Variants in CACNA2D2 observed in about 807,000 individuals in gnomAD.
CACNA2D2 encodes the protein voltage-dependent calcium channel subunit alpha-2/delta-2.
Under a neutral mutation model 166.4 loss-of-function variants are expected in CACNA2D2, and 48 were observed. That is an observed-to-expected ratio of 0.29 (90% CI 0.23 to 0.37). The LOEUF (loss-of-function observed/expected upper bound fraction) is 0.37, where lower values mean the gene tolerates loss of function less well. CACNA2D2 is among the 10% of genes least tolerant of loss of function. The pLI, the probability that CACNA2D2 is intolerant of heterozygous loss-of-function variation, is 1.00. For missense variants in CACNA2D2, 1,122 were observed against 1,433.0 expected, an observed-to-expected ratio of 0.78 and a Z score of 3.50; for synonymous variants, 561 against 573.7, an observed-to-expected ratio of 0.98 and a Z score of 0.32.
At position 50,363,439 on chromosome 3, in the gene CACNA2D2, G is replaced by A. The variant is rs1053017680; in HGVS notation, c.*1227C>T. ...TTGGGGGAAATGACCAGAATGAATG[G>A]TGTGAAGAGCTGTGCCCAGTCCCCA... On this transcript the variant is annotated 3_prime_UTR_variant, in exon 38 of 38. Coordinates refer to ENST00000424201, the MANE Select transcript of CACNA2D2 (RefSeq NM_006030.4). 2.5e-6 allele frequency: 1 copy of A among 393,320 alleles called. No individual in the cohort carries two copies. Among genetic ancestry groups the A allele is most frequent in the Admixed American group, 4.6e-5 (1 of 21,900 alleles). 24.4% of individuals were successfully genotyped at this position (393,320 alleles called of 1,614,324 possible).
At chr3:50,468,466 A>G (rs1033877041) in intron 2 of CACNA2D2, among the ~76,000 whole-genome samples, 4 of 147,844 alleles carry the variant, frequency 2.7e-5, no homozygotes, top group East Asian at 2.1e-4. Flanking sequence ...TCACAGACAA[A>G]CCTTGCTGAT....
intron 2 of CACNA2D2, among the ~76,000 whole-genome samples, chr3:50,445,148 G>A (rs1350937097): frequency 4.6e-5 from 7 of 152,218 alleles, no homozygotes; most frequent in Admixed American, 4.6e-4. Context: ...TTAAGCAGTG[G>A]AACTTTGCTG....
At position 50,367,521 on chromosome 3, in the gene CACNA2D2, G is replaced by A; in HGVS notation, c.2298-24C>T. On this transcript the variant is annotated intron_variant, in intron 26 of 37. Coordinates refer to ENST00000424201, the MANE Select transcript of CACNA2D2 (RefSeq NM_006030.4). The surrounding 1 kb of genome is among the most constrained non-coding windows in gnomAD (Gnocchi z 6.5). ...CCCTGGAGCACCCAAGAGGCAGACT[G>A]GTAGGTAAGGGGTGGCTTGTCGGGG... The A allele has an allele frequency of 6.2e-7, 1 of 1,611,124 alleles. No homozygotes were observed. The highest frequency in any genetic ancestry group is 8.5e-7 in the Non-Finnish European group (1 of 1,177,570).
intron 3 of CACNA2D2, among the ~76,000 whole-genome samples, chr3:50,430,880 G>A (rs913006919): frequency 6.6e-6 from 1 of 152,176 alleles, no homozygotes; most frequent in Admixed American, 6.5e-5. Flanking sequence ...TGAGGGCCCG[G>A]CCTGTTTCCC....
intron 4 of CACNA2D2, among the ~76,000 whole-genome samples, chr3:50,393,459 A>G (rs1705985255): frequency 6.6e-6 from 1 of 152,350 alleles, no homozygotes; most frequent in African/African-American, 2.4e-5. Context: ...CCCAGGCAAA[A>G]TCAAACACAG....
intron 1 of CACNA2D2, among the ~76,000 whole-genome samples, chr3:50,496,562 A>T (rs1698733179): frequency 1.3e-5 from 2 of 152,202 alleles, no homozygotes; most frequent in Admixed American, 6.5e-5. Context: ...GGATGAGGGG[A>T]TAGTGGCTGG....
Position 50,365,723 on chromosome 3 carries a change from G to C in CACNA2D2, c.2916-35C>G, listed in dbSNP as rs755742124. 8 of 1,599,680 alleles carry C rather than the reference G, an allele frequency of 5.0e-6. No homozygotes were observed. The highest frequency in any genetic ancestry group is 6.8e-6 in the Non-Finnish European group (8 of 1,173,466). On this transcript the variant is annotated intron_variant, in intron 33 of 37. Coordinates refer to ENST00000424201, the MANE Select transcript of CACNA2D2 (RefSeq NM_006030.4). The surrounding 1 kb of genome is among the most constrained non-coding windows in gnomAD (Gnocchi z 4.5). ...ACGGGGAGCCGAGTGCAGGTGGTCA[G>C]CAGAGGACGATGCCATGCCCTACTT... is the stretch of plus-strand genomic sequence containing the variant.
chr3:50,387,634 C>A (rs768769394), intron 4 of CACNA2D2, 22 bp from the exon 5 acceptor site: 1 of 1,602,256 alleles, frequency 6.2e-7, no homozygotes, highest in Non-Finnish European at 8.5e-7. Flanking sequence ...AGAGAGGCCT[C>A]AGCACTAGCT....
rs1704034351 is a variant in CACNA2D2, at chr3:50,363,428, C to G, written c.*1238G>C. The G allele has an allele frequency of 5.0e-6, 2 of 396,154 alleles. No homozygotes were observed. Among genetic ancestry groups the G allele is most frequent in the Non-Finnish European group, 8.9e-6 (2 of 225,234 alleles). 24.5% of individuals were successfully genotyped at this position (396,154 alleles called of 1,614,324 possible). The stretch of plus-strand genomic sequence containing the variant: ...CTGGGATGCCTTTGGGGGAAATGAC[C>G]AGAATGAATGGTGTGAAGAGCTGTG... On this transcript the variant is annotated 3_prime_UTR_variant, in exon 38 of 38. Coordinates refer to ENST00000424201, the MANE Select transcript of CACNA2D2 (RefSeq NM_006030.4).
chr3:50,453,040 A>C (rs1278490986), intron 2 of CACNA2D2, among the ~76,000 whole-genome samples: 1 of 152,176 alleles, frequency 6.6e-6, no homozygotes, highest in Non-Finnish European at 1.5e-5. Context: ...TTTTCCCAGG[A>C]ATATGACCTC....
intron 3 of CACNA2D2, among the ~76,000 whole-genome samples, chr3:50,397,847 G>A (rs928251828): frequency 4.6e-5 from 7 of 152,156 alleles, no homozygotes; most frequent in African/African-American, 7.2e-5. Context: ...ACTCCCCTCC[G>A]CCAAGGAGGA....
Position 50,476,205 on chromosome 3 carries a change from T to A in CACNA2D2, c.207-6A>T, listed in dbSNP as rs1261980826. The A allele has an allele frequency of 1.1e-5, 18 of 1,581,984 alleles. No individual in the cohort carries two copies. The highest frequency in any genetic ancestry group is 1.5e-5 in the Non-Finnish European group (17 of 1,165,156). On this transcript the variant is annotated splice_polypyrimidine_tract_variant and splice_region_variant and intron_variant, in intron 1 of 37. Coordinates refer to ENST00000424201, the MANE Select transcript of CACNA2D2 (RefSeq NM_006030.4). ...GCCGGGCCCAGTGCTGCATCCTGTA[T>A]GCAGAGAGAGGAGAGAGGTGTCAGG...
intron 5 of CACNA2D2, among the ~76,000 whole-genome samples, chr3:50,386,382 T>C (rs1705609581): frequency 6.6e-6 from 1 of 152,234 alleles, no homozygotes; most frequent in Non-Finnish European, 1.5e-5. Flanking sequence ...TGCAGTCTCC[T>C]GGTTTATATT....
intron 4 of CACNA2D2, among the ~76,000 whole-genome samples, chr3:50,391,122 C>G (rs1228013243): frequency 6.6e-6 from 1 of 152,222 alleles, no homozygotes; most frequent in Admixed American, 6.5e-5. Flanking sequence ...GCTGGCTCTT[C>G]TAGCCTGGCC....
intron 1 of CACNA2D2, among the ~76,000 whole-genome samples, chr3:50,484,632 G>A (rs4688718): frequency 0.45 from 68,604 of 151,964 alleles, 16,169 homozygotes; most frequent in East Asian, 0.81. Flanking sequence ...GCTCCGTGAA[G>A]ACCTCCTTGC....
intron 1 of CACNA2D2, among the ~76,000 whole-genome samples, chr3:50,485,778 T>C (rs983158104): frequency 4.6e-5 from 7 of 152,188 alleles, no homozygotes; most frequent in Non-Finnish European, 8.8e-5. Flanking sequence ...GTCGCCAAGG[T>C]GCCAGCACCA....
intron 1 of CACNA2D2, among the ~76,000 whole-genome samples, chr3:50,490,854 G>A (rs528442004): frequency 6.6e-6 from 1 of 152,340 alleles, no homozygotes; most frequent in East Asian, 1.9e-4. Flanking sequence ...GAGGACAGGG[G>A]CTTGAAGCAG....
rs587609759 is a variant in CACNA2D2, at chr3:50,369,237, G to A, written c.2046-1002C>T. ...ACTTGCAGTCTCTCCTGTATACACAGTATGCACGTGCACATTTGTGAGGTA... is the reference window on the plus strand; with the variant it reads ...ACTTGCAGTCTCTCCTGTATACACAATATGCACGTGCACATTTGTGAGGTA... On this transcript the variant is annotated intron_variant, in intron 23 of 37. Transcript: ENST00000424201. Among the ~76,000 whole-genome samples, 24 of 152,322 alleles carry A rather than the reference G, an allele frequency of 1.6e-4. No homozygotes were observed. In the South Asian group the frequency reaches 4.6e-3, roughly 29 times the overall value.
At chr3:50,400,398 C>T (rs1445983978) in intron 3 of CACNA2D2, among the ~76,000 whole-genome samples, 2 of 152,252 alleles carry the variant, frequency 1.3e-5, no homozygotes, top group Non-Finnish European at 2.9e-5. Flanking sequence ...CCTGTCCTGG[C>T]ACCACTCGTG....
Sources: allele counts gnomAD v4.1 joint callset (sites outside exome capture counted in the v4.1 genomes callset), GRCh38; gene constraint gnomAD v4.1.1; non-coding constraint Gnocchi (gnomAD v3.1); transcripts MANE v1.5; gene names NCBI Gene and HGNC (gene_info 2026-07-23, HGNC 2026-07-21).